The following MAP2K5 variants were observed in gnomAD, a reference collection of about 807,000 sequenced individuals.
MAP2K5 encodes mitogen-activated protein kinase kinase 5, also known as dual specificity mitogen-activated protein kinase kinase 5.
Under a neutral mutation model 83.1 loss-of-function variants are expected in MAP2K5, and 49 were observed. The ratio of observed to expected loss-of-function variants is 0.59; its 90% CI spans 0.47 to 0.75. MAP2K5 has a LOEUF of 0.75. Among genes scored for constraint, MAP2K5 ranks in the 30% least tolerant of loss-of-function variants. The pLI is 0.00. For synonymous variants in MAP2K5, 202 were observed against 191.8 expected, an observed-to-expected ratio of 1.05 and a Z score of -0.44; for missense variants, 457 against 557.5, an observed-to-expected ratio of 0.82 and a Z score of 1.82.
Position 67,781,319 on chromosome 15 carries a change from G to C in MAP2K5, c.1242+8567G>C, listed in dbSNP as rs944374362. Among the ~76,000 whole-genome samples, 1 of 152,188 alleles carries C rather than the reference G, an allele frequency of 6.6e-6. No homozygotes were observed. Among genetic ancestry groups the C allele is most frequent in the African/African-American group, 2.4e-5 (1 of 41,440 alleles). On this transcript the variant is annotated intron_variant, in intron 21 of 21. Transcript: ENST00000178640. This position sits in a 1 kb window ranked among gnomAD's most constrained non-coding sequence, Gnocchi z 4.0. ...AAATATTAGAAAGCTCCTATTTACA[G>C]TTGTGCCAGCTGGATTTGTTTAATG...
chr15:67,610,060 C>A (rs1017370212), intron 8 of MAP2K5, among the ~76,000 whole-genome samples: 2 of 152,106 alleles, frequency 1.3e-5, no homozygotes, highest in Non-Finnish European at 2.9e-5. Flanking sequence ...TGCCCAAGAT[C>A]AAGTCAAGAA....
intron 1 of MAP2K5, among the ~76,000 whole-genome samples, chr15:67,545,194 C>T (rs908677085): frequency 3.3e-5 from 5 of 152,186 alleles, no homozygotes; most frequent in Admixed American, 2.0e-4. Flanking sequence ...TGGTTATGTG[C>T]CCCACCTCTG....
chr15:67,689,907 C>T (rs2088058793), intron 13 of MAP2K5, among the ~76,000 whole-genome samples: 1 of 152,132 alleles, frequency 6.6e-6, no homozygotes, highest in Non-Finnish European at 1.5e-5. Context: ...TGGTTTAGGG[C>T]AAACTTGTCC....
At chr15:67,796,901 G>T (rs1214590345) in intron 21 of MAP2K5, among the ~76,000 whole-genome samples, 1 of 152,210 alleles carries the variant, frequency 6.6e-6, no homozygotes, top group Non-Finnish European at 1.5e-5. Context: ...GGAGGAAAGG[G>T]TGTGGAAATG....
Position 67,748,138 on chromosome 15 carries a change from C to G in MAP2K5, c.1075-93C>G, listed in dbSNP as rs2089644132. On this transcript the variant is annotated intron_variant, in intron 17 of 21. Transcript: ENST00000178640. The surrounding 1 kb of genome is among the most constrained non-coding windows in gnomAD (Gnocchi z 4.0). ...GTTAACACATGCCCACAAATTGCCA[C>G]CAGCAATGCAATAATTTTCTCTCAG... The G allele has an allele frequency of 2.3e-6, 2 of 853,664 alleles. No homozygotes were observed. The highest frequency in any genetic ancestry group is 3.1e-5 in the South Asian group (2 of 64,580). The allele number at this position is 853,664 out of a possible 1,614,324, so 52.9% of individuals were successfully genotyped here. A position where few individuals can be genotyped will look rare whatever the true frequency, so the allele number is the denominator to read the frequency against.
chr15:67,551,475 C>T (rs111438311), intron 2 of MAP2K5, among the ~76,000 whole-genome samples: 64 of 152,138 alleles, frequency 4.2e-4, no homozygotes, highest in African/African-American at 1.5e-3. Context: ...TGGGACTACA[C>T]GCATGCACCA....
intron 16 of MAP2K5, among the ~76,000 whole-genome samples, chr15:67,716,318 G>A (rs769537800): frequency 3.9e-5 from 6 of 152,070 alleles, no homozygotes; most frequent in African/African-American, 7.2e-5. Flanking sequence ...TCCAGCAACC[G>A]AGCAAGACTC....
chr15:67,806,362 G>A (rs535543770), intron 21 of MAP2K5, among the ~76,000 whole-genome samples: 41 of 152,318 alleles, frequency 2.7e-4, no homozygotes, highest in African/African-American at 9.4e-4. Flanking sequence ...ACAGGCCCTC[G>A]CCCTTAAGCA....
At position 67,720,358 on chromosome 15, in the gene MAP2K5, A is replaced by G. The variant is rs1018688241; in HGVS notation, c.1045-7558A>G. Among the ~76,000 whole-genome samples the G allele has an allele frequency of 6.6e-6, 1 of 152,172 alleles. No homozygotes were observed. Among genetic ancestry groups the G allele is most frequent in the Admixed American group, 6.5e-5 (1 of 15,274 alleles). ...TATATACATATATATCTATATATATACACACTTACACACACACAAGGAAAA... is the reference window on the plus strand; with the variant it reads ...TATATACATATATATCTATATATATGCACACTTACACACACACAAGGAAAA... On this transcript the variant is annotated intron_variant, in intron 16 of 21. Coordinates refer to ENST00000178640, the MANE Select transcript of MAP2K5 (RefSeq NM_145160.3). This position sits in a 1 kb window ranked among gnomAD's most constrained non-coding sequence, Gnocchi z 5.7.
rs145783301 is a variant in MAP2K5 at position 67,750,518 on chromosome 15, A to C, written c.1134+1917A>C. 3.6e-3 allele frequency among the ~76,000 whole-genome samples: 543 copies of C among 152,300 alleles called. 3 individuals are homozygous for C. The highest frequency in any genetic ancestry group is 0.013 in the African/African-American group (528 of 41,568). ...TCATTGCTGTGATGCAGTGTTCCTC[A>C]TAGGGTGGACCAAGGACTGATTGCA... On this transcript the variant is annotated intron_variant, in intron 19 of 21. Coordinates refer to ENST00000178640, the MANE Select transcript of MAP2K5 (RefSeq NM_145160.3). The surrounding 1 kb of genome is among the most constrained non-coding windows in gnomAD (Gnocchi z 4.2).
intron 19 of MAP2K5, among the ~76,000 whole-genome samples, chr15:67,767,397 A>G (rs747386570): frequency 4.6e-5 from 7 of 152,214 alleles, no homozygotes; most frequent in Non-Finnish European, 8.8e-5. Flanking sequence ...CGACATTAAG[A>G]TAGCAGGCTT....
Position 67,665,616 on chromosome 15 carries a change from A to C in MAP2K5, c.847+971A>C, listed in dbSNP as rs1295648091. Among the ~76,000 whole-genome samples the C allele has an allele frequency of 6.6e-6, 1 of 152,174 alleles. No individual in the cohort carries two copies. Among genetic ancestry groups the C allele is most frequent in the Non-Finnish European group, 1.5e-5 (1 of 68,018 alleles). On this transcript the variant is annotated intron_variant, in intron 13 of 21. Transcript: ENST00000178640. This position sits in a 1 kb window ranked among gnomAD's most constrained non-coding sequence, Gnocchi z 4.2. Reference sequence around the variant, plus strand: ...GTGGTTTTAATATCCTAGTGATTCCACATTTCTTCTGAAATCCTCCTTTTT... The same window carrying C: ...GTGGTTTTAATATCCTAGTGATTCCCCATTTCTTCTGAAATCCTCCTTTTT...
At position 67,727,906 on chromosome 15, in the gene MAP2K5, C is replaced by T. The variant is rs776969121; in HGVS notation, c.1045-10C>T. On this transcript the variant is annotated splice_polypyrimidine_tract_variant and intron_variant, in intron 16 of 21. Transcript: ENST00000178640. ...ATCTATAACTAGACAAATATTATTT[C>T]CTTTCCCAGCTTGCTCTTGGGAGGT... The T allele has an allele frequency of 1.2e-6, 2 of 1,608,234 alleles. No individual in the cohort carries two copies. Among genetic ancestry groups the T allele is most frequent in the Non-Finnish European group, 8.5e-7 (1 of 1,174,740 alleles).
In MAP2K5 at chr15:67,779,039, A is replaced by T. The variant is rs1409466884; in HGVS notation, c.1242+6287A>T. ...TGTCTGGCCACTCATTCTTGTAAAC[A>T]TCATTTTGTTTTCAGTTGTTCATTT... On this transcript the variant is annotated intron_variant, in intron 21 of 21. Transcript: ENST00000178640. The surrounding 1 kb of genome is among the most constrained non-coding windows in gnomAD (Gnocchi z 4.6). 6.6e-6 allele frequency among the ~76,000 whole-genome samples: 1 copy of T among 152,166 alleles called. No individual in the cohort carries two copies. Among genetic ancestry groups the T allele is most frequent in the Non-Finnish European group, 1.5e-5 (1 of 68,024 alleles).
intron 13 of MAP2K5, among the ~76,000 whole-genome samples, chr15:67,688,405 G>A (rs1256826991): frequency 1.3e-5 from 2 of 152,234 alleles, no homozygotes; most frequent in Non-Finnish European, 2.9e-5. Context: ...TGTAAAACTA[G>A]GGAAACCAGC....
At chr15:67,788,221 A>G (rs1326358986) in intron 21 of MAP2K5, among the ~76,000 whole-genome samples, 2 of 152,244 alleles carry the variant, frequency 1.3e-5, no homozygotes, top group Admixed American at 1.3e-4. Context: ...TAAACAATGT[A>G]TAGCTCTGGG....
At position 67,801,383 on chromosome 15, in the gene MAP2K5, G is replaced by A. The variant is rs1342124086; in HGVS notation, c.1243-5263G>A. Among the ~76,000 whole-genome samples the A allele has an allele frequency of 6.6e-6, 1 of 152,180 alleles. No homozygotes were observed. Among genetic ancestry groups the A allele is most frequent in the Non-Finnish European group, 1.5e-5 (1 of 68,026 alleles). ...AGGCTTACTGCTTCAACAGGTTCAT[G>A]AGTCCTTGGCCTCCTATCCCATGCA... On this transcript the variant is annotated intron_variant, in intron 21 of 21. Transcript: ENST00000178640. The surrounding 1 kb of genome is among the most constrained non-coding windows in gnomAD (Gnocchi z 4.8).
At chr15:67,544,639 T>G (rs1203670226) in intron 1 of MAP2K5, among the ~76,000 whole-genome samples, 1 of 152,210 alleles carries the variant, frequency 6.6e-6, no homozygotes, top group East Asian at 1.9e-4. Context: ...CCATTCTACA[T>G]GCAGAATAAC....
At position 67,552,585 on chromosome 15, in the gene MAP2K5, C is replaced by T. The variant is rs768253839; in HGVS notation, c.184+2503C>T. ...GAGTAGCTGGGACTACAGGCACCCA[C>T]CTCCACACCTAGCTAATTAAAAAAA... is the stretch of plus-strand genomic sequence containing the variant. On this transcript the variant is annotated intron_variant, in intron 2 of 21. Transcript: ENST00000178640. This position sits in a 1 kb window ranked among gnomAD's most constrained non-coding sequence, Gnocchi z 4.2. 1.8e-4 allele frequency among the ~76,000 whole-genome samples: 27 copies of T among 152,202 alleles called. No individual in the cohort carries two copies. Among genetic ancestry groups the T allele is most frequent in the Non-Finnish European group, 2.9e-4 (20 of 68,024 alleles).
Sources: allele counts gnomAD v4.1 joint callset (sites outside exome capture counted in the v4.1 genomes callset), GRCh38; gene constraint gnomAD v4.1.1; non-coding constraint Gnocchi (gnomAD v3.1); transcripts MANE v1.5; gene names NCBI Gene and HGNC (gene_info 2026-07-23, HGNC 2026-07-21).